MYLK: variants seen among roughly 807,000 people sequenced by gnomAD.
The protein encoded by MYLK is myosin light chain kinase, smooth muscle.
MYLK carries 106 observed loss-of-function variants against 203.4 expected under a neutral mutation model. The ratio of observed to expected loss-of-function variants is 0.52; its 90% CI spans 0.45 to 0.61. The LOEUF is 0.61. Ranked by LOEUF, MYLK falls within the 20% of genes least tolerant of loss-of-function variation. The pLI is 0.00. For missense variants in MYLK, 2,072 were observed against 2,442.3 expected, an observed-to-expected ratio of 0.85 and a Z score of 3.20; for synonymous variants, 867 against 959.5, an observed-to-expected ratio of 0.90 and a Z score of 1.78.
At chr3:123,854,962 T>A (rs1358160729) in intron 2 of MYLK, among the ~76,000 whole-genome samples, 2 of 152,216 alleles carry the variant, frequency 1.3e-5, no homozygotes, top group African/African-American at 4.8e-5. Flanking sequence ...CAGTCTGTCA[T>A]TTATTTATAC....
chr3:123,632,297 C>G (rs964232972), intron 29 of MYLK, among the ~76,000 whole-genome samples: 1 of 152,162 alleles, frequency 6.6e-6, no homozygotes, highest in Non-Finnish European at 1.5e-5. Flanking sequence ...AGCAGCCTGT[C>G]TCTTGCCTGT....
At chr3:123,719,860 G>C (rs1011902338) in intron 13 of MYLK, among the ~76,000 whole-genome samples, 1 of 152,198 alleles carries the variant, frequency 6.6e-6, no homozygotes, top group African/African-American at 2.4e-5. Context: ...CGAGGATCCA[G>C]AGCCAACGGG....
intron 27 of MYLK, among the ~76,000 whole-genome samples, chr3:123,641,024 T>C (rs1169019068): frequency 6.6e-6 from 1 of 152,214 alleles, no homozygotes; most frequent in Non-Finnish European, 1.5e-5. Flanking sequence ...TGGCTGTAAC[T>C]CATTATACCT....
chr3:123,702,906 C>T (rs955498570), intron 16 of MYLK, among the ~76,000 whole-genome samples: 3 of 152,150 alleles, frequency 2.0e-5, no homozygotes, highest in African/African-American at 7.2e-5. Context: ...GGGGTTGGGA[C>T]CTGTGACCCT....
chr3:123,849,721 CT>C (rs934790504), intron 2 of MYLK, among the ~76,000 whole-genome samples: 70 of 151,108 alleles, frequency 4.6e-4, no homozygotes, highest in Middle Eastern at 6.8e-3. Flanking sequence ...AAGAGATTTT[CT>C]TTTTTTTTCT....
intron 2 of MYLK, among the ~76,000 whole-genome samples, chr3:123,845,784 G>C (rs1255882528): frequency 6.6e-6 from 1 of 152,112 alleles, no homozygotes; most frequent in Admixed American, 6.6e-5. Flanking sequence ...CTCCCAAATA[G>C]CTAGGACTAC....
At chr3:123,650,192 G>A (rs2059160683) in intron 24 of MYLK, among the ~76,000 whole-genome samples, 1 of 152,196 alleles carries the variant, frequency 6.6e-6, no homozygotes, top group Non-Finnish European at 1.5e-5. Context: ...CCCTTCCTGG[G>A]CCTTGGTTTC....
intron 7 of MYLK, 58 bp downstream of exon 7, chr3:123,738,839 C>T (rs2062764849): frequency 6.4e-7 from 1 of 1,556,908 alleles, no homozygotes; most frequent in Non-Finnish European, 8.7e-7. Context: ...TGTCTATTAG[C>T]AGCATGAGAA....
At chr3:123,646,039 G>T (rs113631838) in intron 27 of MYLK, among the ~76,000 whole-genome samples, 1 of 152,098 alleles carries the variant, frequency 6.6e-6, no homozygotes, top group Non-Finnish European at 1.5e-5. Context: ...TGGGAGGATC[G>T]CTTGAACCTG....
Position 123,707,816 on chromosome 3 carries a change from C to T in MYLK, c.2328G>A (p.Val776=), listed in dbSNP as rs1057524371. The change falls in exon 16 of 34, where the codon GTG becomes GTA. Residue 776 remains valine (V), a synonymous_variant. Transcript: ENST00000360304. ...GHFEVLQNED[V]FTLVLKKVQP... ...GCACCTTCTTTAGAACCAGGGTGAACACGTCCTCATTCTGAAGCACCTCGA... is the reference window on the plus strand; with the variant it reads ...GCACCTTCTTTAGAACCAGGGTGAATACGTCCTCATTCTGAAGCACCTCGA... The T allele has an allele frequency of 1.3e-5, 21 of 1,614,094 alleles. No homozygotes were observed. Among genetic ancestry groups the T allele is most frequent in the Non-Finnish European group, 1.8e-5 (21 of 1,180,046 alleles).
chr3:123,814,855 T>C (rs1824061), intron 3 of MYLK, among the ~76,000 whole-genome samples: 27,573 of 151,988 alleles, frequency 0.18, 2,918 homozygotes, highest in Non-Finnish European at 0.24. Flanking sequence ...TACAGCGGCA[T>C]GATCTCGGCT....
chr3:123,872,445 A>G (rs1332659605), intron 2 of MYLK, among the ~76,000 whole-genome samples: 2 of 152,148 alleles, frequency 1.3e-5, no homozygotes, highest in Non-Finnish European at 2.9e-5. Flanking sequence ...TAGATCCTAC[A>G]GCTTAAGGGC....
intron 2 of MYLK, among the ~76,000 whole-genome samples, chr3:123,856,860 A>G (rs1238850122): frequency 6.6e-6 from 1 of 152,136 alleles, no homozygotes; most frequent in Non-Finnish European, 1.5e-5. Context: ...TGAACAAGCA[A>G]CCTACAAAAT....
Position 123,611,983 on chromosome 3 carries a change from C to T in MYLK, c.*2122G>A, listed in dbSNP as rs2057257599. 6.6e-6 allele frequency: 1 copy of T among 152,314 alleles called. No individual in the cohort carries two copies. The highest frequency in any genetic ancestry group is 1.5e-5 in the Non-Finnish European group (1 of 68,124). 9.4% of individuals were successfully genotyped at this position (152,314 alleles called of 1,614,324 possible). A position where few individuals can be genotyped will look rare whatever the true frequency, so the allele number is the denominator to read the frequency against. The stretch of plus-strand genomic sequence containing the variant: ...TGATGCTTTGCTCACTTGCCCACTG[C>T]TAACCTCCTTATGTGTGACCTGGTT... On this transcript the variant is annotated 3_prime_UTR_variant, in exon 34 of 34. Transcript: ENST00000360304.
intron 7 of MYLK, among the ~76,000 whole-genome samples, chr3:123,738,138 G>C (rs922120139): frequency 6.6e-6 from 1 of 151,890 alleles, no homozygotes. Context: ...GAGGTAGGTG[G>C]TATTATTTCT....
At chr3:123,695,659 G>A (rs539004333) in intron 18 of MYLK, among the ~76,000 whole-genome samples, 5 of 152,252 alleles carry the variant, frequency 3.3e-5, no homozygotes, top group Middle Eastern at 3.4e-3. Flanking sequence ...TCCATTTTTC[G>A]TAGGATGAAC....
chr3:123,832,676 C>T lies in MYLK; in HGVS notation c.-126-1006G>A, dbSNP rs114215038. Among the ~76,000 whole-genome samples the T allele has an allele frequency of 3.0e-3, 458 of 152,280 alleles. 2 individuals are homozygous for T. Among genetic ancestry groups the T allele is most frequent in the African/African-American group, 0.01 (422 of 41,570 alleles). On this transcript the variant is annotated intron_variant, in intron 2 of 33. Coordinates refer to ENST00000360304, the MANE Select transcript of MYLK (RefSeq NM_053025.4). Reference sequence around the variant, plus strand: ...GGGGCTGGAGCGAACTGGTGAGGCCCTTTTTTGCTCTTCTGTCTTCTGCCA... The same window carrying T: ...GGGGCTGGAGCGAACTGGTGAGGCCTTTTTTTGCTCTTCTGTCTTCTGCCA...
At chr3:123,664,321 G>T (rs936532263) in intron 22 of MYLK, 63 bp from the exon 23 acceptor site, 11 of 1,607,182 alleles carry the variant, frequency 6.8e-6, no homozygotes, top group South Asian at 1.1e-5. Context: ...AAGGAAGGGG[G>T]CTCCTCCCCA....
intron 3 of MYLK, among the ~76,000 whole-genome samples, chr3:123,824,022 C>G (rs13320659): frequency 3.9e-5 from 6 of 151,948 alleles, no homozygotes; most frequent in Non-Finnish European, 8.8e-5. Context: ...ACCACTTGAC[C>G]ATCCTATATA....
Sources: allele counts gnomAD v4.1 joint callset (sites outside exome capture counted in the v4.1 genomes callset), GRCh38; gene constraint gnomAD v4.1.1; transcripts MANE v1.5; gene names NCBI Gene and HGNC (gene_info 2026-07-23, HGNC 2026-07-21).